Variants in LEPR observed in about 807,000 individuals in gnomAD.
LEPR encodes the protein OB receptor.
LEPR carries 56 observed loss-of-function variants against 114.7 expected under a neutral mutation model. That is an observed-to-expected ratio of 0.49 (90% CI 0.39 to 0.61). LEPR has a LOEUF of 0.61. Ranked by LOEUF, LEPR falls within the 20% of genes least tolerant of loss-of-function variation. The pLI is 0.00. For synonymous variants in LEPR, 443 were observed against 461.4 expected (o/e 0.96, Z 0.51); for missense variants, 1,202 against 1,352.9 (o/e 0.89, Z 1.75).
In LEPR at chr1:65,618,040, T is replaced by G; in HGVS notation, c.2289T>G (p.Ser763Arg). 6.2e-7 allele frequency: 1 copy of G among 1,613,046 alleles called. No homozygotes were observed. The highest frequency in any genetic ancestry group is 1.7e-5 in the Admixed American group (1 of 59,990). Residue 763 changes from serine to arginine, a missense_variant, in exon 16 of 20, where the codon AGT becomes AGG. Coordinates refer to ENST00000349533, the MANE Select transcript of LEPR (RefSeq NM_002303.6). Reference sequence around the variant, plus strand: ...TTGTTTCCTGGATACTATCACCCAGTGATTACAAGCTAATGTATTTTATTA... The same window carrying G: ...TTGTTTCCTGGATACTATCACCCAGGGATTACAAGCTAATGTATTTTATTA... ...CVIVSWILSP[S>R]DYKLMYFIIE...
At chr1:65,622,875 C>G in intron 18 of LEPR, 31 bp from the exon 19 acceptor site, 4 of 1,611,116 alleles carry the variant, frequency 2.5e-6, no homozygotes, top group Admixed American at 1.7e-5. Context: ...ATGTTTTTCT[C>G]TAATTTTGAT....
chr1:65,620,220 C>T (rs1657790128), intron 17 of LEPR, among the ~76,000 whole-genome samples, 197 bp downstream of exon 17: 1 of 152,038 alleles, frequency 6.6e-6, no homozygotes, highest in Non-Finnish European at 1.5e-5. Context: ...GAAATAGAGT[C>T]ACTGGGCCTC....
chr1:65,550,612 C>T (rs1035957204), intron 2 of LEPR, among the ~76,000 whole-genome samples: 2 of 152,190 alleles, frequency 1.3e-5, no homozygotes, highest in African/African-American at 4.8e-5. Context: ...GCGTAGGACC[C>T]TCCGAACCAA....
At chr1:65,498,208 TACA>T (rs1309664963) in intron 2 of LEPR, among the ~76,000 whole-genome samples, 1 of 152,150 alleles carries the variant, frequency 6.6e-6, no homozygotes, top group Non-Finnish European at 1.5e-5. Flanking sequence ...AATAGACCCC[TACA>T]ACGTTGACTT....
chr1:65,420,779 G>A (rs1470688374), intron 1 of LEPR, 39 bp downstream of exon 1: 3 of 1,568,534 alleles, frequency 1.9e-6, no homozygotes, highest in East Asian at 2.3e-5. Flanking sequence ...GTGTGGTGGG[G>A]TTGCCACCTC....
intron 2 of LEPR, among the ~76,000 whole-genome samples, chr1:65,451,842 G>A (rs187182727): frequency 0.017 from 2,565 of 151,946 alleles, 57 homozygotes; most frequent in South Asian, 0.092. Context: ...GATGGGTATG[G>A]CATTGAATCT....
At chr1:65,586,653 C>T (rs1215025401) in intron 5 of LEPR, among the ~76,000 whole-genome samples, 1 of 151,128 alleles carries the variant, frequency 6.6e-6, no homozygotes, top group Admixed American at 6.6e-5. Context: ...AGTAACCATT[C>T]TTAGCTCACA....
At position 65,596,331 on chromosome 1, in the gene LEPR, C is replaced by T. The variant is rs1334603022; in HGVS notation, c.704-117C>T. On this transcript the variant is annotated intron_variant, in intron 6 of 19. Coordinates refer to ENST00000349533, the MANE Select transcript of LEPR (RefSeq NM_002303.6). ...TATAATTAGTCCTTGGATAAAGTCA[C>T]CTTTTAAGTACTTGAAAGGCAAGAT... The T allele has an allele frequency of 5.4e-6, 7 of 1,284,648 alleles. No homozygotes were observed. In the Admixed American group the frequency reaches 8.0e-5, roughly 15 times the overall value. 79.6% of individuals were successfully genotyped at this position (1,284,648 alleles called of 1,614,324 possible). A position where few individuals can be genotyped will look rare whatever the true frequency, so the allele number is the denominator to read the frequency against.
At chr1:65,533,859 T>C (rs1262979669) in intron 2 of LEPR, among the ~76,000 whole-genome samples, 2 of 152,182 alleles carry the variant, frequency 1.3e-5, no homozygotes, top group African/African-American at 4.8e-5. Flanking sequence ...TTGTATGATA[T>C]TGATATAACT....
At chr1:65,502,490 G>C (rs577021137) in intron 2 of LEPR, among the ~76,000 whole-genome samples, 2 of 151,998 alleles carry the variant, frequency 1.3e-5, no homozygotes, top group East Asian at 3.9e-4. Flanking sequence ...TACTGATTTA[G>C]TGACTAGTGT....
At chr1:65,445,457 A>G (rs1232484087) in intron 2 of LEPR, among the ~76,000 whole-genome samples, 1 of 152,156 alleles carries the variant, frequency 6.6e-6, no homozygotes, top group Non-Finnish European at 1.5e-5. Flanking sequence ...CAAATGACAC[A>G]TCTTGTTCAC....
chr1:65,441,297 AAG>A, intron 2 of LEPR, among the ~76,000 whole-genome samples: 1 of 148,078 alleles, frequency 6.8e-6, no homozygotes, highest in Middle Eastern at 3.5e-3. Flanking sequence ...GATTTAGCAG[AAG>A]GGGTGGGGAG....
intron 3 of LEPR, among the ~76,000 whole-genome samples, chr1:65,569,895 T>G (rs190396358): frequency 6.6e-6 from 1 of 152,242 alleles, no homozygotes; most frequent in Non-Finnish European, 1.5e-5. Context: ...GCATGTCTTA[T>G]ATGATGATGT....
rs558367485 is a variant in LEPR at position 65,601,329 on chromosome 1, G to A, written c.995-63G>A. The A allele has an allele frequency of 9.5e-6, 15 of 1,573,148 alleles. No homozygotes were observed. In the East Asian group the frequency reaches 2.9e-4, roughly 31 times the overall value. Reference sequence around the variant, plus strand: ...GAATGTGTTGTGAATATTTTTCGATGTGGTACAAATTACTTACAGAATGTT... The same window carrying A: ...GAATGTGTTGTGAATATTTTTCGATATGGTACAAATTACTTACAGAATGTT... On this transcript the variant is annotated intron_variant, in intron 8 of 19. Transcript: ENST00000349533.
In LEPR at chr1:65,633,203, G is replaced by A. The variant is rs756643733; in HGVS notation, c.2674-2988G>A. On this transcript the variant is annotated intron_variant, in intron 19 of 19. Transcript: ENST00000349533. The surrounding 1 kb of genome is among the most constrained non-coding windows in gnomAD (Gnocchi z 4.1). ...CATGATCACTACAGATGAACCCAAT[G>A]TGCCAACTTCCCAACAGTCTATAGA... 2 of 1,609,424 alleles carry A rather than the reference G, an allele frequency of 1.2e-6. No homozygotes were observed. Among genetic ancestry groups the A allele is most frequent in the Admixed American group, 1.7e-5 (1 of 59,838 alleles).
chr1:65,601,129 A>G (rs901161569), intron 8 of LEPR, among the ~76,000 whole-genome samples: 4 of 152,078 alleles, frequency 2.6e-5, no homozygotes, highest in Non-Finnish European at 4.4e-5. Flanking sequence ...TGGCTAAAAC[A>G]TATTTTATGA....
At chr1:65,613,771 A>C (rs533926449) in intron 14 of LEPR, among the ~76,000 whole-genome samples, 4 of 150,290 alleles carry the variant, frequency 2.7e-5, no homozygotes, top group South Asian at 2.1e-4. Flanking sequence ...AAAAAAAAAA[A>C]AAAAAAAAAA....
intron 5 of LEPR, among the ~76,000 whole-genome samples, chr1:65,578,797 A>C (rs1211841677): frequency 6.6e-6 from 1 of 152,192 alleles, no homozygotes; most frequent in African/African-American, 2.4e-5. Flanking sequence ...AGAAACACAC[A>C]CACACACAAG....
At chr1:65,623,170 T>C (rs1657987700) in intron 19 of LEPR, 189 bp downstream of exon 19, 1 of 607,062 alleles carries the variant, frequency 1.6e-6, no homozygotes. Flanking sequence ...AAGAAACAAA[T>C]TTCAGCGCAT....
Sources: allele counts gnomAD v4.1 joint callset (sites outside exome capture counted in the v4.1 genomes callset), GRCh38; gene constraint gnomAD v4.1.1; non-coding constraint Gnocchi (gnomAD v3.1); transcripts MANE v1.5; gene names NCBI Gene and HGNC (gene_info 2026-07-23, HGNC 2026-07-21).